RNF185: variants seen among roughly 807,000 people sequenced by gnomAD.
RNF185 encodes ring finger protein 185.
RNF185 carries 13 observed loss-of-function variants against 24.9 expected under a neutral mutation model. The ratio of observed to expected loss-of-function variants is 0.52; its 90% CI spans 0.34 to 0.83. RNF185 has a LOEUF of 0.83. Among genes scored for constraint, RNF185 ranks in the 40% least tolerant of loss-of-function variants. The pLI is 0.01. For synonymous variants in RNF185, 79 were observed against 90.3 expected (o/e 0.88, Z 0.71); for missense variants, 184 against 244.7 (o/e 0.75, Z 1.65).
At chr22:31,197,725 T>G (rs1438794067) in intron 5 of RNF185, among the ~76,000 whole-genome samples, 1 of 151,924 alleles carries the variant, frequency 6.6e-6, no homozygotes, top group East Asian at 1.9e-4. Flanking sequence ...TTTTTTGAGT[T>G]TTTTTTTGTC....
chr22:31,185,763 G>C (rs2048092589), intron 1 of RNF185, among the ~76,000 whole-genome samples: 2 of 152,162 alleles, frequency 1.3e-5, no homozygotes, highest in African/African-American at 4.8e-5. Context: ...AGAATTCCTG[G>C]GTATCCCTTG....
At chr22:31,198,704 C>CTTT (rs1196076379) in intron 5 of RNF185, among the ~76,000 whole-genome samples, 15 of 69,674 alleles carry the variant, frequency 2.2e-4, no homozygotes, top group African/African-American at 3.1e-4. Context: ...CTGCCACTTT[C>CTTT]TTTTTTTTTT....
intron 1 of RNF185, among the ~76,000 whole-genome samples, chr22:31,169,577 C>G (rs1411757690): frequency 6.6e-6 from 1 of 152,136 alleles, no homozygotes; most frequent in Admixed American, 6.5e-5. Flanking sequence ...AAGACAGGGT[C>G]TCTCTGTCGC....
At chr22:31,196,804 C>G (rs1728259967) in intron 4 of RNF185, 132 bp from the exon 5 acceptor site, 2 of 1,160,686 alleles carry the variant, frequency 1.7e-6, no homozygotes, top group African/African-American at 1.6e-5. Flanking sequence ...GAGAATTAAT[C>G]TGGCATAAGT....
At chr22:31,180,336 C>A (rs752718081) in intron 1 of RNF185, among the ~76,000 whole-genome samples, 3 of 151,830 alleles carry the variant, frequency 2.0e-5, no homozygotes, top group Middle Eastern at 3.2e-3. Context: ...TGGTGGTGGG[C>A]ACCTATAAGC....
chr22:31,172,357 G>A (rs1406272619), intron 1 of RNF185, among the ~76,000 whole-genome samples: 1 of 152,022 alleles, frequency 6.6e-6, no homozygotes, highest in Non-Finnish European at 1.5e-5. Flanking sequence ...AGGCATTGTG[G>A]TGCACACCTG....
intron 1 of RNF185, among the ~76,000 whole-genome samples, chr22:31,172,568 G>A (rs1444245060): frequency 6.6e-6 from 1 of 151,966 alleles, no homozygotes; most frequent in African/African-American, 2.4e-5. Context: ...GGCCAACAAG[G>A]TGAAACTCCA....
At chr22:31,186,314 C>T (rs1385199041) in intron 1 of RNF185, among the ~76,000 whole-genome samples, 2 of 152,036 alleles carry the variant, frequency 1.3e-5, no homozygotes, top group Non-Finnish European at 1.5e-5. Context: ...AATATTCTGG[C>T]GTATGGGCTG....
chr22:31,193,625 C>G (rs917863701), intron 3 of RNF185, among the ~76,000 whole-genome samples: 1 of 151,900 alleles, frequency 6.6e-6, no homozygotes, highest in Non-Finnish European at 1.5e-5. Context: ...AAAACCCCGT[C>G]TCTACAAAAA....
intron 1 of RNF185, among the ~76,000 whole-genome samples, chr22:31,162,879 C>T (rs1038457094): frequency 6.6e-6 from 1 of 151,798 alleles, no homozygotes; most frequent in African/African-American, 2.4e-5. Context: ...ATTCTCCTGC[C>T]TCAGCCTCCC....
chr22:31,181,755 C>T (rs145775310), intron 1 of RNF185, among the ~76,000 whole-genome samples: 1,851 of 151,170 alleles, frequency 0.012, 49 homozygotes, highest in African/African-American at 0.043. Context: ...ATCGCAAGGA[C>T]AAAAAACCAA....
chr22:31,168,944 C>T (rs948668615), intron 1 of RNF185, among the ~76,000 whole-genome samples: 1 of 152,242 alleles, frequency 6.6e-6, no homozygotes, highest in East Asian at 1.9e-4. Context: ...GTCTCTCTCT[C>T]TCTTGCCCAG....
chr22:31,183,920 GGCC>G (rs1484681775), intron 1 of RNF185, among the ~76,000 whole-genome samples: 2 of 94,672 alleles, frequency 2.1e-5, no homozygotes, highest in African/African-American at 4.3e-5. Flanking sequence ...ACGGGGTGGC[GGCC>G]GGGCAGAGGG....
At position 31,206,898 on chromosome 22, in the gene RNF185, G is replaced by C. The variant is rs2048319763; in HGVS notation, c.*2312G>C. 6.6e-6 allele frequency: 1 copy of C among 152,246 alleles called. No individual in the cohort carries two copies. Among genetic ancestry groups the C allele is most frequent in the Non-Finnish European group, 1.5e-5 (1 of 68,062 alleles). 9.4% of individuals were successfully genotyped at this position (152,246 alleles called of 1,614,324 possible). On this transcript the variant is annotated 3_prime_UTR_variant, in exon 7 of 7. Coordinates refer to ENST00000326132, the MANE Select transcript of RNF185 (RefSeq NM_152267.4). ...CTGCCACCCTTGTGGACTAGGACCAGGTCCTGACCCCAGTCAGAAAATGAT... is the reference window on the plus strand; with the variant it reads ...CTGCCACCCTTGTGGACTAGGACCACGTCCTGACCCCAGTCAGAAAATGAT...
chr22:31,192,311 G>A (rs1361906372), intron 2 of RNF185, among the ~76,000 whole-genome samples: 1 of 152,036 alleles, frequency 6.6e-6, no homozygotes, highest in African/African-American at 2.4e-5. Context: ...TTTTGCACAG[G>A]GTGTCCTTAG....
At chr22:31,183,265 G>A (rs1032043423) in intron 1 of RNF185, among the ~76,000 whole-genome samples, 6 of 152,088 alleles carry the variant, frequency 3.9e-5, no homozygotes, top group African/African-American at 9.7e-5. Flanking sequence ...GAGTTTTAAC[G>A]CAAACATGTT....
chr22:31,168,742 T>A (rs1203301866), intron 1 of RNF185, among the ~76,000 whole-genome samples: 1 of 152,218 alleles, frequency 6.6e-6, no homozygotes, highest in African/African-American at 2.4e-5. Context: ...TTTCTGGTGT[T>A]ATAAAAATAG....
intron 1 of RNF185, among the ~76,000 whole-genome samples, chr22:31,181,871 G>A: frequency 6.9e-6 from 1 of 144,792 alleles, no homozygotes; most frequent in Middle Eastern, 3.4e-3. Context: ...GGGGGAGGGG[G>A]AAGGGATAGC....
intron 2 of RNF185, among the ~76,000 whole-genome samples, chr22:31,190,249 C>T (rs964026898): frequency 2.0e-5 from 3 of 152,062 alleles, no homozygotes; most frequent in Non-Finnish European, 4.4e-5. Context: ...TAGAGCAGTG[C>T]GTTACCTTTT....
Sources: gnomAD v4.1 joint callset for allele counts (sites outside exome capture counted in the v4.1 genomes callset) on GRCh38, gnomAD v4.1.1 for gene constraint, MANE v1.5 for transcripts, NCBI Gene and HGNC (gene_info 2026-07-23, HGNC 2026-07-21) for gene names.